The following PRKN variants were observed in gnomAD, a reference collection of about 807,000 sequenced individuals.
PRKN encodes parkin RBR E3 ubiquitin protein ligase, also known as E3 ubiquitin-protein ligase parkin.
Under a neutral mutation model 59.5 loss-of-function variants are expected in PRKN, and 56 were observed. The ratio of observed to expected loss-of-function variants is 0.94; its 90% CI spans 0.76 to 1.18. The LOEUF (loss-of-function observed/expected upper bound fraction) is 1.18, where lower values mean the gene tolerates loss of function less well. Ranked by LOEUF, PRKN falls within the 50% of genes most tolerant of loss-of-function variation. The pLI is 0.00. For missense variants in PRKN, 657 were observed against 596.4 expected (o/e 1.10, Z -1.06); for synonymous variants, 250 against 222.1 (o/e 1.13, Z -1.12).
At chr6:161,946,256 T>C (rs1475029317) in intron 6 of PRKN, among the ~76,000 whole-genome samples, 3 of 152,130 alleles carry the variant, frequency 2.0e-5, no homozygotes, top group Non-Finnish European at 2.9e-5. Flanking sequence ...TTCTTATTTA[T>C]TATGCCTCTG....
chr6:161,865,140 G>A (rs1345452475), intron 6 of PRKN, among the ~76,000 whole-genome samples: 2 of 152,188 alleles, frequency 1.3e-5, no homozygotes, highest in Admixed American at 6.5e-5. Flanking sequence ...GCGCTTGGGT[G>A]ACCAGGTACA....
intron 3 of PRKN, among the ~76,000 whole-genome samples, chr6:162,220,844 A>C (rs1180147216): frequency 6.6e-6 from 1 of 152,224 alleles, no homozygotes; most frequent in Non-Finnish European, 1.5e-5. Context: ...TTTGCAGTGA[A>C]AGAAACAGGC....
In PRKN at chr6:162,656,434, C is replaced by T. The variant is rs777275976; in HGVS notation, c.7+71228G>A. Among the ~76,000 whole-genome samples, 48 of 152,192 alleles carry T rather than the reference C, an allele frequency of 3.2e-4. 1 individual carries two copies. The highest frequency in any genetic ancestry group is 1.9e-4 in the Non-Finnish European group (13 of 68,040). On this transcript the variant is annotated intron_variant, in intron 1 of 11. Coordinates refer to ENST00000366898, the MANE Select transcript of PRKN (RefSeq NM_004562.3). ...TCATCTTCTCCCAGAAATCAGGATG[C>T]TAGTGAATGGCCTCACCCTCCATCC...
chr6:162,087,516 C>T (rs1478922213), intron 4 of PRKN, among the ~76,000 whole-genome samples: 1 of 151,828 alleles, frequency 6.6e-6, no homozygotes, highest in Non-Finnish European at 1.5e-5. Flanking sequence ...CACTGTGCTT[C>T]CCTATGAAAG....
chr6:162,342,832 C>T (rs748042000), intron 2 of PRKN, among the ~76,000 whole-genome samples: 20 of 152,120 alleles, frequency 1.3e-4, no homozygotes, highest in African/African-American at 7.2e-5. Flanking sequence ...TAATCCCTAA[C>T]GTGATATACT....
intron 6 of PRKN, among the ~76,000 whole-genome samples, chr6:161,824,114 G>A (rs1053699164): frequency 6.6e-6 from 1 of 152,134 alleles, no homozygotes; most frequent in African/African-American, 2.4e-5. Context: ...GGCTTCCAAG[G>A]ATCCTCCTCG....
At position 162,455,435 on chromosome 6, in the gene PRKN, G is replaced by T. The variant is rs74704495; in HGVS notation, c.8-11962C>A. ...CCTAGGCTATATGATATAGTATATT[G>T]CCCCAAGGCAACGTGTACAGCATGC... On this transcript the variant is annotated intron_variant, in intron 1 of 11. Coordinates refer to ENST00000366898, the MANE Select transcript of PRKN (RefSeq NM_004562.3). 2.0e-3 allele frequency among the ~76,000 whole-genome samples: 311 copies of T among 152,194 alleles called. 4 individuals are homozygous for T. In the South Asian group the frequency reaches 0.024, roughly 12 times the overall value.
chr6:161,571,167 G>C lies in PRKN; in HGVS notation c.872-1751C>G, dbSNP rs916094819. 1.5e-4 allele frequency among the ~76,000 whole-genome samples: 23 copies of C among 152,108 alleles called. 1 individual carries two copies. Among genetic ancestry groups the C allele is most frequent in the Admixed American group, 1.5e-3 (23 of 15,270 alleles). ...ACTATGCTGTCCAGGCTGGTCTCAA[G>C]CTCCTGGGCTCAAGTGACGCTCCCG... On this transcript the variant is annotated intron_variant, in intron 7 of 11. Coordinates refer to ENST00000366898, the MANE Select transcript of PRKN (RefSeq NM_004562.3).
chr6:162,482,045 T>A (rs1256132086), intron 1 of PRKN, among the ~76,000 whole-genome samples: 1 of 152,174 alleles, frequency 6.6e-6, no homozygotes, highest in Non-Finnish European at 1.5e-5. Context: ...CCTTCCAGCA[T>A]GCTTAAACTT....
At chr6:162,381,302 T>C (rs1786471828) in intron 2 of PRKN, among the ~76,000 whole-genome samples, 1 of 152,174 alleles carries the variant, frequency 6.6e-6, no homozygotes, top group African/African-American at 2.4e-5. Flanking sequence ...TCTATAACTA[T>C]TGTTGCCCTC....
In PRKN at chr6:161,354,221, T is replaced by C. The variant is rs1392598577; in HGVS notation, c.1286-4010A>G. Among the ~76,000 whole-genome samples, 1 of 152,140 alleles carries C rather than the reference T, an allele frequency of 6.6e-6. No homozygotes were observed. The highest frequency in any genetic ancestry group is 1.5e-5 in the Non-Finnish European group (1 of 68,034). The stretch of plus-strand genomic sequence containing the variant: ...GCTAGACCCAGGCCATGGAGGAGCA[T>C]GGAGGACCGCAATTCTAAAAGCTTT... On this transcript the variant is annotated intron_variant, in intron 11 of 11. Coordinates refer to ENST00000366898, the MANE Select transcript of PRKN (RefSeq NM_004562.3). This position sits in a 1 kb window ranked among gnomAD's most constrained non-coding sequence, Gnocchi z 6.7.
intron 2 of PRKN, among the ~76,000 whole-genome samples, chr6:162,381,804 T>C (rs1786502330): frequency 6.6e-6 from 1 of 152,224 alleles, no homozygotes; most frequent in Admixed American, 6.5e-5. Context: ...AGGCCATTAA[T>C]ATTCTATACT....
intron 2 of PRKN, among the ~76,000 whole-genome samples, chr6:162,356,535 A>ATT (rs11432043): frequency 6.7e-5 from 10 of 150,338 alleles, no homozygotes; most frequent in Non-Finnish European, 1.2e-4. Context: ...TATATAATAC[A>ATT]TTTTTTTTTG....
At chr6:162,321,342 ACTT>A (rs1373996358) in intron 2 of PRKN, among the ~76,000 whole-genome samples, 1 of 151,922 alleles carries the variant, frequency 6.6e-6, no homozygotes, top group African/African-American at 2.4e-5. Context: ...AGAAAAGAAA[ACTT>A]GAATAGACTT....
At chr6:162,661,503 G>A (rs1584001799) in intron 1 of PRKN, among the ~76,000 whole-genome samples, 1 of 152,234 alleles carries the variant, frequency 6.6e-6, no homozygotes, top group South Asian at 2.1e-4. Flanking sequence ...GGTTAGTAGG[G>A]GTTGGTTTGG....
At chr6:162,375,744 C>CACACACACACACAT (rs1786030865) in intron 2 of PRKN, among the ~76,000 whole-genome samples, 2 of 140,868 alleles carry the variant, frequency 1.4e-5, no homozygotes, top group South Asian at 4.7e-4. Context: ...TGGCTTTGTA[C>CACACACACACACAT]ACACACACAC....
At chr6:162,301,779 G>GGGGGT (rs1781964754) in intron 2 of PRKN, among the ~76,000 whole-genome samples, 1 of 111,118 alleles carries the variant, frequency 9.0e-6, no homozygotes, top group Non-Finnish European at 1.9e-5. Flanking sequence ...TAAATTGGCC[G>GGGGGT]GGGCGGGGGG....
chr6:162,029,687 A>G (rs1783567198), intron 5 of PRKN, among the ~76,000 whole-genome samples: 1 of 152,162 alleles, frequency 6.6e-6, no homozygotes, highest in South Asian at 2.1e-4. Context: ...ACTAAACGCC[A>G]TAACTTTGTA....
chr6:162,626,201 G>A (rs576434941), intron 1 of PRKN, among the ~76,000 whole-genome samples: 1 of 152,200 alleles, frequency 6.6e-6, no homozygotes, highest in African/African-American at 2.4e-5. Context: ...TGCTGGATGG[G>A]GAATTTACCA....
Sources: gnomAD v4.1 joint callset for allele counts (sites outside exome capture counted in the v4.1 genomes callset) on GRCh38, gnomAD v4.1.1 for gene constraint, Gnocchi (gnomAD v3.1) non-coding constraint, MANE v1.5 for transcripts, NCBI Gene and HGNC (gene_info 2026-07-23, HGNC 2026-07-21) for gene names.